Variants in CERK observed in about 807,000 individuals in gnomAD.
CERK encodes ceramide kinase, also known as acylsphingosine kinase.
CERK carries 39 observed loss-of-function variants against 63.4 expected under a neutral mutation model. The ratio of observed to expected loss-of-function variants is 0.61; its 90% confidence interval spans 0.48 to 0.80. The LOEUF (loss-of-function observed/expected upper bound fraction) is 0.80. Among genes scored for constraint, CERK ranks in the 30% least tolerant of loss-of-function variants. CERK has a pLI of 0.00. For synonymous variants in CERK, 302 were observed against 280.0 expected, an observed-to-expected ratio of 1.08 and a Z score of -0.78; for missense variants, 670 against 714.1, an observed-to-expected ratio of 0.94 and a Z score of 0.70.
chr22:46,724,296 A>G (rs2082907037), intron 1 of CERK, among the ~76,000 whole-genome samples: 1 of 152,234 alleles, frequency 6.6e-6, no homozygotes, highest in African/African-American at 2.4e-5. Flanking sequence ...CATAGGAAAT[A>G]TGTGTTCATC....
chr22:46,693,377 G>A lies in CERK; in HGVS notation c.1126+50C>T, dbSNP rs36211082. ...GTGCCCTGAGAGAGGACAGAAACCCGCACTCCAGCACACACAGTGACAACA... is the reference window on the plus strand; with the variant it reads ...GTGCCCTGAGAGAGGACAGAAACCCACACTCCAGCACACACAGTGACAACA... On this transcript the variant is annotated intron_variant, in intron 10 of 12. Transcript: ENST00000216264. The A allele has an allele frequency of 0.053, 79,000 of 1,498,204 alleles. 4,196 individuals are homozygous for A. Among genetic ancestry groups the A allele is most frequent in the East Asian group, 0.26 (11,465 of 44,210 alleles). The allele number at this position is 1,498,204 out of a possible 1,614,324, so 92.8% of individuals were successfully genotyped here.
intron 1 of CERK, among the ~76,000 whole-genome samples, chr22:46,729,775 C>T (rs1347047853): frequency 6.6e-6 from 1 of 152,100 alleles, no homozygotes; most frequent in African/African-American, 2.4e-5. Flanking sequence ...CGCGGTGGCT[C>T]ATGCCTGTAA....
At chr22:46,724,171 T>C (rs988917347) in intron 1 of CERK, among the ~76,000 whole-genome samples, 2 of 152,226 alleles carry the variant, frequency 1.3e-5, no homozygotes, top group Non-Finnish European at 2.9e-5. Flanking sequence ...TTTGTAATGA[T>C]CCACTTCCAC....
At chr22:46,729,704 C>T (rs956460279) in intron 1 of CERK, among the ~76,000 whole-genome samples, 3 of 152,076 alleles carry the variant, frequency 2.0e-5, no homozygotes, top group Admixed American at 6.6e-5. Context: ...AGACGTCAAA[C>T]CTGAGATGAC....
intron 6 of CERK, among the ~76,000 whole-genome samples, chr22:46,704,824 C>CAAAAAAAA: frequency 1.2e-5 from 1 of 83,696 alleles, no homozygotes; most frequent in Non-Finnish European, 2.3e-5. Flanking sequence ...GACTCCATCT[C>CAAAAAAAA]AAAAAAAAAA....
At chr22:46,720,832 A>G in intron 2 of CERK, 70 bp downstream of exon 2, 1 of 959,362 alleles carries the variant, frequency 1.0e-6, no homozygotes, top group Non-Finnish European at 1.7e-6. Flanking sequence ...CAAGTAACAG[A>G]AAAGTTCCCT....
intron 4 of CERK, 85 bp from the exon 5 acceptor site, chr22:46,711,234 G>A: frequency 2.0e-6 from 2 of 1,022,222 alleles, no homozygotes; most frequent in Non-Finnish European, 3.1e-6. Context: ...CTTTTAAAAT[G>A]AGTTCCTGTA....
At position 46,707,976 on chromosome 22, in the gene CERK, G is replaced by GACACAGACGATGCTGCAGGAGGA. The variant is rs1225445815; in HGVS notation, c.570-11_581dup (p.Gly195ProfsTer21). ...CCTCGCTGAACATACCATCTCCGCC[G>GACACAGACGATGCTGCAGGAGGA]ACACAGACGATGCTGCAGGAGGAAC... is the stretch of plus-strand genomic sequence containing the variant. On this transcript the variant is annotated frameshift_variant, in exon 6 of 13. Coordinates refer to ENST00000216264, the MANE Select transcript of CERK (RefSeq NM_022766.6). LOFTEE classifies it high-confidence loss of function. The GACACAGACGATGCTGCAGGAGGA allele has an allele frequency of 3.1e-6, 5 of 1,607,870 alleles. No homozygotes were observed. The African/African-American group carries it at 5.3e-5, about 17-fold the overall frequency.
rs150718321 is a variant in CERK at position 46,691,623 on chromosome 22, G to A, written c.1281C>T (p.Ser427=). The change falls in exon 11 of 13, where the codon TCC becomes TCT. Residue 427 remains serine (S), a synonymous_variant. Coordinates refer to ENST00000216264, the MANE Select transcript of CERK (RefSeq NM_022766.6). ...SSDLILIRKC[S]RFNFLRFLIR... ...TGAGAAATCTCAGAAAATTGAACCT[G>A]GAGCATTTCCGGATGAGGATGAGGT... is the stretch of plus-strand genomic sequence containing the variant. 7.4e-6 allele frequency: 12 copies of A among 1,613,890 alleles called. No individual in the cohort carries two copies. In the African/African-American group the frequency reaches 1.3e-4, roughly 18 times the overall value.
At chr22:46,723,752 G>C (rs565693819) in intron 1 of CERK, among the ~76,000 whole-genome samples, 2 of 151,734 alleles carry the variant, frequency 1.3e-5, no homozygotes, top group Admixed American at 1.3e-4. Flanking sequence ...CGTCACCCAG[G>C]TGTGGTGTGA....
rs182326353 is a variant in CERK at position 46,701,965 on chromosome 22, G to A, written c.716-255C>T. 8.1e-3 allele frequency among the ~76,000 whole-genome samples: 1,238 copies of A among 152,272 alleles called. 16 individuals are homozygous for A. The highest frequency in any genetic ancestry group is 8.8e-3 in the Non-Finnish European group (599 of 68,012). On this transcript the variant is annotated intron_variant, in intron 6 of 12. Transcript: ENST00000216264. The stretch of plus-strand genomic sequence containing the variant: ...AGAGGCCGAGGTGGGCGGATGACTT[G>A]AGGTCAGGAGTTCGAGACCAGCCTG...
intron 6 of CERK, among the ~76,000 whole-genome samples, chr22:46,704,861 G>T: frequency 1.3e-5 from 2 of 149,442 alleles, no homozygotes; most frequent in Non-Finnish European, 3.0e-5. Context: ...ATGCCCTCTT[G>T]CTTCCCCATG....
Position 46,690,053 on chromosome 22 carries a change from C to T in CERK, c.1480G>A (p.Val494Ile), listed in dbSNP as rs138181197. The T allele has an allele frequency of 1.8e-5, 29 of 1,613,454 alleles. No individual in the cohort carries two copies. The highest frequency in any genetic ancestry group is 1.2e-4 in the African/African-American group (9 of 74,962). Residue 494 changes from valine to isoleucine, a missense_variant, in exon 12 of 13, where the codon GTC becomes ATC. Coordinates refer to ENST00000216264, the MANE Select transcript of CERK (RefSeq NM_022766.6). ...TCGCAGTTCCAGGAGCTGTTGGAGA[C>T]GGTGCAGCAGCAGGAGGGGTGGCTG... ...CSSHPSCCCT[V>I]SNSSWNCDGE...
At chr22:46,713,628 A>G (rs135702) in intron 3 of CERK, among the ~76,000 whole-genome samples, 110,368 of 151,940 alleles carry the variant, frequency 0.73, 40,427 homozygotes, top group Non-Finnish European at 0.77. Flanking sequence ...CTGAAGAAGA[A>G]ATCGAGACGC....
chr22:46,691,803 G>A (rs1343198445), intron 10 of CERK, 26 bp from the exon 11 acceptor site: 2 of 1,591,256 alleles, frequency 1.3e-6, no homozygotes, highest in African/African-American at 2.7e-5. Context: ...CCACGGAGAT[G>A]TCACAGTTAC....
At chr22:46,703,339 C>G (rs959230117) in intron 6 of CERK, among the ~76,000 whole-genome samples, 2 of 152,136 alleles carry the variant, frequency 1.3e-5, no homozygotes, top group Non-Finnish European at 2.9e-5. Flanking sequence ...CCCCAACCCC[C>G]ACCTGCCCCT....
At chr22:46,734,244 T>A (rs2082961029) in intron 1 of CERK, among the ~76,000 whole-genome samples, 1 of 151,966 alleles carries the variant, frequency 6.6e-6, no homozygotes, top group South Asian at 2.1e-4. Flanking sequence ...GATACACTAG[T>A]GCACCCACAC....
At chr22:46,693,779 G>A in intron 9 of CERK, 1 of 405,378 alleles carries the variant, frequency 2.5e-6, no homozygotes, top group Non-Finnish European at 4.6e-6. Flanking sequence ...TTTCTGCCTG[G>A]CCCTCCAGCT....
At chr22:46,732,228 G>A (rs538584812) in intron 1 of CERK, among the ~76,000 whole-genome samples, 26 of 152,300 alleles carry the variant, frequency 1.7e-4, no homozygotes, top group African/African-American at 6.3e-4. Flanking sequence ...CTTGTATGCG[G>A]GTGACAGGCT....
Sources: allele counts gnomAD v4.1 joint callset (sites outside exome capture counted in the v4.1 genomes callset), GRCh38; gene constraint gnomAD v4.1.1; transcripts MANE v1.5; gene names NCBI Gene and HGNC (gene_info 2026-07-23, HGNC 2026-07-21).